SKIL: variants seen among roughly 807,000 people sequenced by gnomAD.
SKIL encodes the protein ski-like protein.
SKIL carries 20 observed loss-of-function variants against 69.6 expected under a neutral mutation model. The ratio of observed to expected loss-of-function variants is 0.29; its 90% confidence interval spans 0.20 to 0.42. SKIL has a LOEUF of 0.42. Ranked by LOEUF, SKIL falls within the 10% of genes least tolerant of loss-of-function variation. SKIL has a pLI of 1.00. For synonymous variants in SKIL, 310 were observed against 279.9 expected (o/e 1.11, Z -1.08); for missense variants, 745 against 783.1 (o/e 0.95, Z 0.58).
At chr3:170,370,432 A>AGAGG (rs1736746020) in intron 2 of SKIL, among the ~76,000 whole-genome samples, 1 of 32,002 alleles carries the variant, frequency 3.1e-5, no homozygotes, top group Non-Finnish European at 7.1e-5. Flanking sequence ...AGAGAGAGAG[A>AGAGG]GAGAGAGCCC....
chr3:170,380,831 A>G (rs963115916), intron 2 of SKIL, among the ~76,000 whole-genome samples: 52 of 151,452 alleles, frequency 3.4e-4, no homozygotes, highest in African/African-American at 1.2e-3. Context: ...TTGGAAGATG[A>G]CTCTTGAGAC....
intron 2 of SKIL, among the ~76,000 whole-genome samples, chr3:170,367,197 C>T (rs1736573638): frequency 6.6e-6 from 1 of 152,094 alleles, no homozygotes; most frequent in Non-Finnish European, 1.5e-5. Flanking sequence ...CAAACTCCAC[C>T]TCCCAGGTTC....
intron 4 of SKIL, among the ~76,000 whole-genome samples, chr3:170,386,631 C>T (rs1249655887): frequency 6.6e-6 from 1 of 151,636 alleles, no homozygotes; most frequent in African/African-American, 2.4e-5. Context: ...CTGCGCCTGC[C>T]TCATTTTTTC....
At chr3:170,390,078 G>A in intron 4 of SKIL, 145 bp from the exon 5 acceptor site, 1 of 642,584 alleles carries the variant, frequency 1.6e-6, no homozygotes, top group Non-Finnish European at 2.6e-6. Context: ...TACTTGCACT[G>A]CTTTTGTTAA....
At position 170,360,938 on chromosome 3, in the gene SKIL, C is replaced by G. The variant is rs766074185; in HGVS notation, c.607C>G (p.His203Asp). Residue 203 changes from histidine (H) to aspartate (D), a missense_variant, in exon 2 of 7, where the codon CAT (histidine) becomes GAT (aspartate). By Grantham distance (81) the His-to-Asp change is moderately conservative. Transcript: ENST00000259119. Reference sequence around the variant, plus strand: ...TTCAAGGTGTACTTCAGACCAGCTTCATATCTTAAAGGTACTGGGCATACT... The same window carrying G: ...TTCAAGGTGTACTTCAGACCAGCTTGATATCTTAAAGGTACTGGGCATACT... ...YCSRCTSDQL[H>D]ILKVLGILPF... The G allele has an allele frequency of 6.2e-7, 1 of 1,614,062 alleles. No individual in the cohort carries two copies. The highest frequency in any genetic ancestry group is 1.7e-5 in the Admixed American group (1 of 60,000).
chr3:170,367,039 T>C (rs116652063), intron 2 of SKIL, among the ~76,000 whole-genome samples: 214 of 152,364 alleles, frequency 1.4e-3, no homozygotes, highest in African/African-American at 4.7e-3. Flanking sequence ...GAGTAATGTT[T>C]ACTTAAGATT....
chr3:170,366,686 C>CACACAG (rs1553852219), intron 2 of SKIL, among the ~76,000 whole-genome samples: 6 of 97,522 alleles, frequency 6.2e-5, no homozygotes, highest in African/African-American at 2.3e-4. Flanking sequence ...CACACACACA[C>CACACAG]ACACACACAG....
chr3:170,366,008 G>T (rs973469454), intron 2 of SKIL, among the ~76,000 whole-genome samples: 1 of 150,580 alleles, frequency 6.6e-6, no homozygotes, highest in Non-Finnish European at 1.5e-5. Flanking sequence ...CACCTGCCTC[G>T]GCCTCCCAAA....
At chr3:170,375,571 A>AT (rs1736991128) in intron 2 of SKIL, among the ~76,000 whole-genome samples, 1 of 151,996 alleles carries the variant, frequency 6.6e-6, no homozygotes, top group Non-Finnish European at 1.5e-5. Context: ...GTAATTTTAT[A>AT]TTTTTTTCTT....
intron 2 of SKIL, among the ~76,000 whole-genome samples, chr3:170,371,341 A>T (rs1302399206): frequency 6.6e-6 from 1 of 152,044 alleles, no homozygotes; most frequent in Non-Finnish European, 1.5e-5. Context: ...TCTCTACTAA[A>T]AATAATAATA....
At chr3:170,358,140 A>G (rs1736028213) in intron 1 of SKIL, among the ~76,000 whole-genome samples, 4 of 152,094 alleles carry the variant, frequency 2.6e-5, no homozygotes, top group Admixed American at 2.6e-4. Context: ...CCGGTCCGTC[A>G]GCCCCCGGCG....
intron 1 of SKIL, chr3:170,358,499 T>G (rs1226575914): frequency 1.3e-5 from 2 of 152,770 alleles, no homozygotes; most frequent in African/African-American, 4.8e-5. Flanking sequence ...GGCGGAGGAC[T>G]TCAGGGTTTT....
chr3:170,393,115 T>A lies in SKIL; in HGVS notation c.*698T>A, dbSNP rs76966343. On this transcript the variant is annotated 3_prime_UTR_variant, in exon 7 of 7. Transcript: ENST00000259119. ...GTTTAAATGTGGTTATAGTTAGATT[T>A]TTTTTTAAGCAGCAACTTTTCAAAA... The A allele has an allele frequency of 6.6e-6, 1 of 152,158 alleles. No homozygotes were observed. The highest frequency in any genetic ancestry group is 1.5e-5 in the Non-Finnish European group (1 of 68,018). 9.4% of individuals were successfully genotyped at this position (152,158 alleles called of 1,614,324 possible).
At chr3:170,373,129 T>C (rs1214856428) in intron 2 of SKIL, among the ~76,000 whole-genome samples, 2 of 151,888 alleles carry the variant, frequency 1.3e-5, no homozygotes, top group Admixed American at 1.3e-4. Flanking sequence ...CCTCGGTAGC[T>C]GGGACTACAG....
intron 2 of SKIL, among the ~76,000 whole-genome samples, chr3:170,377,336 C>T (rs558526543): frequency 6.8e-4 from 100 of 147,920 alleles, no homozygotes; most frequent in South Asian, 1.5e-3. Flanking sequence ...TCCCCTGTTT[C>T]GGTTGATTCT....
intron 2 of SKIL, among the ~76,000 whole-genome samples, chr3:170,373,325 C>T (rs137952558): frequency 0.014 from 2,065 of 152,188 alleles, 53 homozygotes; most frequent in African/African-American, 0.047. Context: ...AGCCACCGTG[C>T]CCAGCCTTTA....
At chr3:170,358,107 C>T (rs1736026674) in intron 1 of SKIL, among the ~76,000 whole-genome samples, 1 of 152,158 alleles carries the variant, frequency 6.6e-6, no homozygotes, top group Admixed American at 6.5e-5. Flanking sequence ...AGCAGCGCTC[C>T]GCGGGGATGC....
At chr3:170,372,988 ATTT>A (rs34211986) in intron 2 of SKIL, among the ~76,000 whole-genome samples, 1 of 134,176 alleles carries the variant, frequency 7.5e-6, no homozygotes. Flanking sequence ...ATAATTTTCA[ATTT>A]TTTTTTTTTT....
At chr3:170,370,102 G>T (rs930046913) in intron 2 of SKIL, among the ~76,000 whole-genome samples, 76 of 151,944 alleles carry the variant, frequency 5.0e-4, no homozygotes, top group Non-Finnish European at 1.0e-3. Flanking sequence ...AGCCGGGCGC[G>T]GTGGCAGGCG....
Sources: allele counts gnomAD v4.1 joint callset (sites outside exome capture counted in the v4.1 genomes callset), GRCh38; gene constraint gnomAD v4.1.1; transcripts MANE v1.5; gene names NCBI Gene and HGNC (gene_info 2026-07-23, HGNC 2026-07-21).